PTPRD: variants seen among roughly 807,000 people sequenced by gnomAD.
PTPRD encodes receptor-type tyrosine-protein phosphatase delta.
PTPRD carries 34 observed loss-of-function variants against 214.5 expected under a neutral mutation model. That is an observed-to-expected ratio of 0.16 (90% CI 0.12 to 0.21). The LOEUF is 0.21. Ranked by LOEUF, PTPRD falls within the 10% of genes least tolerant of loss-of-function variation. The pLI is 1.00. For synonymous variants in PTPRD, 1,128 were observed against 845.7 expected, an observed-to-expected ratio of 1.33 and a Z score of -5.79; for missense variants, 2,545 against 2,398.7, an observed-to-expected ratio of 1.06 and a Z score of -1.27.
intron 3 of PTPRD, among the ~76,000 whole-genome samples, chr9:10,157,571 T>C (rs566590473): frequency 2.6e-5 from 4 of 152,170 alleles, no homozygotes; most frequent in Non-Finnish European, 5.9e-5. Flanking sequence ...ACATTTTTTT[T>C]CCTTTCATTT....
intron 2 of PTPRD, among the ~76,000 whole-genome samples, chr9:10,605,322 A>G (rs2079014108): frequency 6.6e-6 from 1 of 151,896 alleles, no homozygotes; most frequent in Non-Finnish European, 1.5e-5. Context: ...GTATTCTATG[A>G]ATTTGGAAAT....
chr9:10,536,997 G>A (rs2057959929), intron 2 of PTPRD, among the ~76,000 whole-genome samples: 1 of 152,104 alleles, frequency 6.6e-6, no homozygotes, highest in Admixed American at 6.6e-5. Flanking sequence ...TCCTTCTGGG[G>A]AATCTCAAAC....
intron 8 of PTPRD, among the ~76,000 whole-genome samples, chr9:9,520,226 A>AT (rs1420760936): frequency 6.7e-6 from 1 of 149,064 alleles, no homozygotes; most frequent in African/African-American, 2.5e-5. Flanking sequence ...AGAGCACATA[A>AT]TTTTTTTGTA....
In PTPRD at chr9:9,824,229, T is replaced by C. The variant is rs138211338; in HGVS notation, c.-367-57378A>G. 3.8e-3 allele frequency among the ~76,000 whole-genome samples: 578 copies of C among 152,092 alleles called. 3 individuals are homozygous for C. Among genetic ancestry groups the C allele is most frequent in the African/African-American group, 0.013 (523 of 41,552 alleles). ...CAAAACATTTCTCAAGCCAGGAATT[T>C]TGGATTAGAAATACTCAACCTGCAT... On this transcript the variant is annotated intron_variant, in intron 5 of 45. Transcript: ENST00000381196.
chr9:9,349,177 T>C (rs951731387), intron 9 of PTPRD, among the ~76,000 whole-genome samples: 4 of 152,102 alleles, frequency 2.6e-5, no homozygotes, highest in Admixed American at 6.6e-5. Context: ...ATCACTTCTC[T>C]GCTTACATAT....
chr9:9,117,996 C>T (rs1307802651), intron 10 of PTPRD, among the ~76,000 whole-genome samples: 6 of 152,200 alleles, frequency 3.9e-5, no homozygotes, highest in South Asian at 2.1e-4. Flanking sequence ...TTTAACTACA[C>T]GTTCTTAGAC....
chr9:10,549,613 G>C (rs2060876817), intron 2 of PTPRD, among the ~76,000 whole-genome samples: 1 of 151,990 alleles, frequency 6.6e-6, no homozygotes, highest in South Asian at 2.1e-4. Flanking sequence ...ACCCCTGAGG[G>C]CCATGTCCCT....
chr9:10,453,592 T>C (rs2098869932), intron 2 of PTPRD, among the ~76,000 whole-genome samples: 1 of 151,638 alleles, frequency 6.6e-6, no homozygotes, highest in Admixed American at 6.6e-5. Context: ...TAAAATTATT[T>C]TTCAGGCATT....
intron 11 of PTPRD, among the ~76,000 whole-genome samples, chr9:8,894,933 C>T (rs923687116): frequency 1.3e-4 from 20 of 152,110 alleles, no homozygotes; most frequent in Non-Finnish European, 2.2e-4. Context: ...CCAGAGAGCC[C>T]AAGAGATCTG....
intron 35 of PTPRD, among the ~76,000 whole-genome samples, chr9:8,418,448 T>G (rs2094114481): frequency 6.6e-6 from 1 of 152,186 alleles, no homozygotes; most frequent in Admixed American, 6.6e-5. Context: ...ATCTTTTCAT[T>G]TGACAATTCT....
intron 5 of PTPRD, among the ~76,000 whole-genome samples, chr9:9,797,441 T>C (rs1401041720): frequency 6.6e-6 from 1 of 151,948 alleles, no homozygotes; most frequent in Non-Finnish European, 1.5e-5. Context: ...TAGAAGGTTC[T>C]GGAAAATAAG....
intron 10 of PTPRD, among the ~76,000 whole-genome samples, chr9:9,033,339 T>C (rs2099611564): frequency 6.6e-6 from 1 of 152,138 alleles, no homozygotes; most frequent in Non-Finnish European, 1.5e-5. Context: ...AAGAATTAGC[T>C]GACTTGCCCA....
chr9:10,111,648 A>G (rs1475727357), intron 3 of PTPRD, among the ~76,000 whole-genome samples: 1 of 152,136 alleles, frequency 6.6e-6, no homozygotes, highest in African/African-American at 2.4e-5. Context: ...TTCTTAGGTA[A>G]TTTTGACAAT....
intron 2 of PTPRD, among the ~76,000 whole-genome samples, chr9:10,479,306 C>T (rs1161918403): frequency 6.6e-6 from 1 of 151,948 alleles, no homozygotes; most frequent in South Asian, 2.1e-4. Flanking sequence ...GAGCATTAGC[C>T]AATCTTCATA....
chr9:10,487,966 G>GTCTCCCTC (rs1491332095), intron 2 of PTPRD, among the ~76,000 whole-genome samples: 103 of 110,320 alleles, frequency 9.3e-4, no homozygotes, highest in African/African-American at 3.6e-3. Context: ...AATGAACACA[G>GTCTCCCTC]TCTCTCTCTC....
In PTPRD at chr9:9,817,367, G is replaced by A. The variant is rs114917617; in HGVS notation, c.-367-50516C>T. On this transcript the variant is annotated intron_variant, in intron 5 of 45. Transcript: ENST00000381196. Reference sequence around the variant, plus strand: ...GATAGTATACATGTCATTCCTGTAGGTCAGAGTAAGGGATGACTTTCAACA... The same window carrying A: ...GATAGTATACATGTCATTCCTGTAGATCAGAGTAAGGGATGACTTTCAACA... Among the ~76,000 whole-genome samples, 1,245 of 152,168 alleles carry A rather than the reference G, an allele frequency of 8.2e-3. 17 individuals are homozygous for A. The highest frequency in any genetic ancestry group is 0.028 in the African/African-American group (1,178 of 41,522).
intron 11 of PTPRD, among the ~76,000 whole-genome samples, chr9:8,813,140 A>G (rs1162575269): frequency 6.6e-6 from 1 of 152,118 alleles, no homozygotes; most frequent in Non-Finnish European, 1.5e-5. Context: ...TGGGGCTCCA[A>G]TGTGTTCAAT....
At chr9:8,872,063 C>G (rs1389104141) in intron 11 of PTPRD, among the ~76,000 whole-genome samples, 1 of 152,164 alleles carries the variant, frequency 6.6e-6, no homozygotes, top group Non-Finnish European at 1.5e-5. Context: ...ACAAACAGCT[C>G]AAGACCCCTA....
intron 10 of PTPRD, among the ~76,000 whole-genome samples, chr9:9,080,394 T>C (rs1457061311): frequency 6.6e-6 from 1 of 152,096 alleles, no homozygotes; most frequent in Non-Finnish European, 1.5e-5. Flanking sequence ...TGAATACTGA[T>C]TTTATAATAA....
Sources: allele counts gnomAD v4.1 joint callset (sites outside exome capture counted in the v4.1 genomes callset), GRCh38; gene constraint gnomAD v4.1.1; transcripts MANE v1.5; gene names NCBI Gene and HGNC (gene_info 2026-07-23, HGNC 2026-07-21).